The following CLPTM1 variants were observed in gnomAD, a reference collection of about 807,000 sequenced individuals.
CLPTM1 encodes putative lipid scramblase CLPTM1.
Under a neutral mutation model 77.3 loss-of-function variants are expected in CLPTM1, and 21 were observed. The observed-to-expected ratio is 0.27, with a 90% CI of 0.19 to 0.39. The LOEUF is 0.39. Among genes scored for constraint, CLPTM1 ranks in the 10% least tolerant of loss-of-function variants. CLPTM1 has a pLI of 1.00. For synonymous variants in CLPTM1, 373 were observed against 381.0 expected, an observed-to-expected ratio of 0.98 and a Z score of 0.24; for missense variants, 642 against 921.2, an observed-to-expected ratio of 0.70 and a Z score of 3.92.
chr19:44,961,999 G>A lies in CLPTM1; in HGVS notation c.109G>A (p.Ala37Thr), dbSNP rs952278058. The change falls in exon 2 of 14, where the codon GCG becomes ACG. Residue 37 changes from alanine (A) to threonine (T), a missense_variant. Transcript: ENST00000337392. ...TGGCAGCATCGGGAGGGACCCGCCA[G>A]CGGAGACCCAGCCTCAGAACCCACC... is the stretch of plus-strand genomic sequence containing the variant. The part of the protein sequence containing the change: ...SNGSIGRDPP[A>T]ETQPQNPPAQ... 6 of 1,610,306 alleles carry A rather than the reference G, an allele frequency of 3.7e-6. No individual in the cohort carries two copies. Among genetic ancestry groups the A allele is most frequent in the Non-Finnish European group, 5.1e-6 (6 of 1,178,940 alleles).
At chr19:44,963,651 G>T (rs190537369) in intron 2 of CLPTM1, among the ~76,000 whole-genome samples, 1 of 149,630 alleles carries the variant, frequency 6.7e-6, no homozygotes, top group Non-Finnish European at 1.5e-5. Flanking sequence ...ATGGAGTCTC[G>T]CTCTGTTTCC....
chr19:44,964,070 C>T (rs1455751264), intron 2 of CLPTM1, among the ~76,000 whole-genome samples: 3 of 151,712 alleles, frequency 2.0e-5, no homozygotes, highest in Admixed American at 1.3e-4. Context: ...CCTGCCTGAC[C>T]CTCAGAAGTT....
chr19:44,972,940 C>T (rs1970744926), intron 2 of CLPTM1, 147 bp from the exon 3 acceptor site: 1 of 1,088,294 alleles, frequency 9.2e-7, no homozygotes. Context: ...CCTTGCCAGC[C>T]CTGTGACTAC....
chr19:44,973,761 G>GTTTTTTTTTTTTT lies in CLPTM1; in HGVS notation c.309+559_309+571dup, dbSNP rs71173113. Among the ~76,000 whole-genome samples, 354 of 62,396 alleles carry GTTTTTTTTTTTTT rather than the reference G, an allele frequency of 5.7e-3. 19 individuals are homozygous for GTTTTTTTTTTTTT. The highest frequency in any genetic ancestry group is 0.015 in the African/African-American group (332 of 22,490). 40.9% of individuals were successfully genotyped at this position (62,396 alleles called of 152,430 possible). A position where few individuals can be genotyped will look rare whatever the true frequency, so the allele number is the denominator to read the frequency against. The stretch of plus-strand genomic sequence containing the variant: ...GGAAGTTCTTGTTGGGTCACAGTGG[G>GTTTTTTTTTTTTT]TTTTTTTTTTTTTTTTTTTTGAGAT... On this transcript the variant is annotated intron_variant, in intron 3 of 13. Transcript: ENST00000337392.
At chr19:44,968,419 C>T (rs1016365529) in intron 2 of CLPTM1, among the ~76,000 whole-genome samples, 2 of 152,128 alleles carry the variant, frequency 1.3e-5, no homozygotes, top group Admixed American at 6.6e-5. Flanking sequence ...TTTGATTATA[C>T]GTCTTTTCAT....
chr19:44,975,647 T>C (rs940315055), intron 4 of CLPTM1, among the ~76,000 whole-genome samples: 5 of 151,994 alleles, frequency 3.3e-5, no homozygotes, highest in African/African-American at 1.2e-4. Flanking sequence ...TCACTGCAAC[T>C]TCACCTCCCA....
At chr19:44,980,845 TA>T (rs1204490128) in intron 5 of CLPTM1, among the ~76,000 whole-genome samples, 8 of 151,442 alleles carry the variant, frequency 5.3e-5, no homozygotes, top group Non-Finnish European at 7.4e-5. Context: ...TATTTATTAT[TA>T]TTTTTTTTTG....
chr19:44,976,788 A>G (rs1208659985), intron 4 of CLPTM1, among the ~76,000 whole-genome samples: 1 of 152,146 alleles, frequency 6.6e-6, no homozygotes, highest in African/African-American at 2.4e-5. Context: ...CCATCTGCGT[A>G]CTTGCCACAC....
chr19:44,956,308 C>G (rs1568638548), intron 1 of CLPTM1, among the ~76,000 whole-genome samples: 1 of 152,168 alleles, frequency 6.6e-6, no homozygotes, highest in Non-Finnish European at 1.5e-5. Flanking sequence ...TCCTTTCCCT[C>G]TTTAGGCCTT....
At chr19:44,978,620 A>G (rs891259610) in intron 5 of CLPTM1, among the ~76,000 whole-genome samples, 1 of 152,048 alleles carries the variant, frequency 6.6e-6, no homozygotes, top group Non-Finnish European at 1.5e-5. Context: ...GCGACAGAGC[A>G]AGTCCACGTC....
intron 7 of CLPTM1, 46 bp from the exon 8 acceptor site, chr19:44,987,133 G>C: frequency 1.3e-6 from 2 of 1,577,058 alleles, no homozygotes. Flanking sequence ...CGGGTACCCT[G>C]GCCTCCTGCC....
rs375126489 is a variant in CLPTM1, at chr19:44,988,887, A to G, written c.1132+714A>G. Among the ~76,000 whole-genome samples the G allele has an allele frequency of 9.2e-5, 14 of 152,258 alleles. No individual in the cohort carries two copies. The East Asian group carries it at 9.7e-4, about 11-fold the overall frequency. ...AATGAGTAGTAGTATTCCTGGTATTAAGATGCTATTGCCGGCCTGGTGGTG... is the reference window on the plus strand; with the variant it reads ...AATGAGTAGTAGTATTCCTGGTATTGAGATGCTATTGCCGGCCTGGTGGTG... On this transcript the variant is annotated intron_variant, in intron 9 of 13. Transcript: ENST00000337392.
intron 2 of CLPTM1, among the ~76,000 whole-genome samples, chr19:44,963,898 G>A (rs1214737161): frequency 6.6e-6 from 1 of 151,466 alleles, no homozygotes; most frequent in Non-Finnish European, 1.5e-5. Flanking sequence ...GATTACAGGC[G>A]TGAGCCACTG....
At chr19:44,982,361 G>A (rs1052937333) in intron 5 of CLPTM1, among the ~76,000 whole-genome samples, 1 of 150,932 alleles carries the variant, frequency 6.6e-6, no homozygotes, top group African/African-American at 2.4e-5. Flanking sequence ...AAAAAAAAAA[G>A]GGTCTAGCGT....
At chr19:44,962,856 G>T (rs1007622517) in intron 2 of CLPTM1, among the ~76,000 whole-genome samples, 3 of 151,890 alleles carry the variant, frequency 2.0e-5, no homozygotes, top group Admixed American at 2.0e-4. Flanking sequence ...ACGAGGTCAA[G>T]AGATCGAGAC....
Position 44,984,811 on chromosome 19 carries a change from C to G in CLPTM1, c.587-407C>G, listed in dbSNP as rs571113563. Reference sequence around the variant, plus strand: ...AAGCGATTCTCCTGCCTCAGCCTTCCGAGTAGCTGGGATTACAGGCACCCG... The same window carrying G: ...AAGCGATTCTCCTGCCTCAGCCTTCGGAGTAGCTGGGATTACAGGCACCCG... On this transcript the variant is annotated intron_variant, in intron 5 of 13. Coordinates refer to ENST00000337392, the MANE Select transcript of CLPTM1 (RefSeq NM_001294.4). Among the ~76,000 whole-genome samples, 57 of 152,232 alleles carry G rather than the reference C, an allele frequency of 3.7e-4. 1 individual carries two copies. Among genetic ancestry groups the G allele is most frequent in the African/African-American group, 1.2e-3 (51 of 41,536 alleles).
Position 44,955,478 on chromosome 19 carries a change from C to A in CLPTM1, c.72+11C>A, listed in dbSNP as rs1440447194. 1 of 1,302,358 alleles carries A rather than the reference C, an allele frequency of 7.7e-7. No homozygotes were observed. Among genetic ancestry groups the A allele is most frequent in the Non-Finnish European group, 9.8e-7 (1 of 1,024,376 alleles). 80.7% of individuals were successfully genotyped at this position (1,302,358 alleles called of 1,614,324 possible). On this transcript the variant is annotated intron_variant, in intron 1 of 13. Transcript: ENST00000337392. ...GGCAGCTCCGGTCAGGTACGGAGGC[C>A]GAGAGGGGACTGAGGGGGTTCTTCC...
chr19:44,979,396 C>G (rs2122299678), intron 5 of CLPTM1, among the ~76,000 whole-genome samples: 1 of 152,170 alleles, frequency 6.6e-6, no homozygotes, highest in South Asian at 2.1e-4. Flanking sequence ...CAGAAAGCCC[C>G]CCATTCTTCT....
intron 1 of CLPTM1, among the ~76,000 whole-genome samples, chr19:44,956,813 A>G (rs1970470914): frequency 6.6e-6 from 1 of 152,206 alleles, no homozygotes; most frequent in South Asian, 2.1e-4. Flanking sequence ...AAAACAATCA[A>G]GAGTTACCCC....
Sources: gnomAD v4.1 joint callset for allele counts (sites outside exome capture counted in the v4.1 genomes callset) on GRCh38, gnomAD v4.1.1 for gene constraint, MANE v1.5 for transcripts, NCBI Gene and HGNC (gene_info 2026-07-23, HGNC 2026-07-21) for gene names.